Variants in CDC42BPA observed in about 807,000 individuals in gnomAD.
CDC42BPA encodes the protein CDC42 binding protein kinase alpha, also known as serine/threonine-protein kinase MRCK alpha.
A neutral mutation model predicts 223.5 loss-of-function variants in CDC42BPA; 80 were observed. The observed-to-expected ratio is 0.36, with a 90% confidence interval of 0.30 to 0.43. The LOEUF (loss-of-function observed/expected upper bound fraction) is 0.43. CDC42BPA is among the 20% of genes least tolerant of loss of function. The pLI is 1.00. For synonymous variants in CDC42BPA, 694 were observed against 718.6 expected, an observed-to-expected ratio of 0.97 and a Z score of 0.55; for missense variants, 1,743 against 2,099.9, an observed-to-expected ratio of 0.83 and a Z score of 3.32.
intron 10 of CDC42BPA, among the ~76,000 whole-genome samples, chr1:227,130,492 A>G (rs1205321457): frequency 6.6e-6 from 1 of 152,204 alleles, no homozygotes; most frequent in African/African-American, 2.4e-5. Context: ...TTTGAAAAGA[A>G]CATCCATTGT....
intron 3 of CDC42BPA, among the ~76,000 whole-genome samples, chr1:227,206,901 G>A (rs1470126835): frequency 2.0e-5 from 3 of 151,872 alleles, no homozygotes; most frequent in African/African-American, 7.3e-5. Context: ...GCATCTATAT[G>A]CATGGGGACT....
At chr1:227,037,256 G>A (rs2148722879) in intron 24 of CDC42BPA, among the ~76,000 whole-genome samples, 1 of 152,214 alleles carries the variant, frequency 6.6e-6, no homozygotes, top group South Asian at 2.1e-4. Context: ...AACAATACAG[G>A]CGATTCCTTC....
At chr1:227,095,518 C>A (rs1332009187) in intron 15 of CDC42BPA, among the ~76,000 whole-genome samples, 2 of 151,674 alleles carry the variant, frequency 1.3e-5, no homozygotes, top group African/African-American at 4.8e-5. Flanking sequence ...ACTTATTTAC[C>A]CTTAGAAGTA....
At chr1:227,276,825 C>A (rs954252233) in intron 1 of CDC42BPA, among the ~76,000 whole-genome samples, 23 of 152,032 alleles carry the variant, frequency 1.5e-4, no homozygotes, top group African/African-American at 5.3e-4. Flanking sequence ...CAGGGTTAAA[C>A]GGATTAAGGG....
intron 14 of CDC42BPA, among the ~76,000 whole-genome samples, chr1:227,110,283 A>G (rs1686702164): frequency 6.6e-6 from 1 of 152,206 alleles, no homozygotes; most frequent in African/African-American, 2.4e-5. Flanking sequence ...AATCTTTAAA[A>G]GGGCCAAAAT....
chr1:227,089,370 T>C (rs947631152), intron 16 of CDC42BPA, among the ~76,000 whole-genome samples: 2 of 152,140 alleles, frequency 1.3e-5, no homozygotes, highest in African/African-American at 4.8e-5. Flanking sequence ...AGCTTATCAC[T>C]ACTGAGACAG....
At chr1:227,179,990 T>G (rs1411823407) in intron 5 of CDC42BPA, among the ~76,000 whole-genome samples, 2 of 152,084 alleles carry the variant, frequency 1.3e-5, no homozygotes, top group East Asian at 3.9e-4. Flanking sequence ...GGCGGATCAC[T>G]GGGGTTAGGA....
At chr1:227,302,969 G>T (rs1691905349) in intron 1 of CDC42BPA, among the ~76,000 whole-genome samples, 1 of 149,000 alleles carries the variant, frequency 6.7e-6, no homozygotes, top group African/African-American at 2.5e-5. Context: ...CTCATCTCTG[G>T]AAAATACTGA....
At chr1:227,300,211 C>T (rs960251985) in intron 1 of CDC42BPA, among the ~76,000 whole-genome samples, 3 of 152,156 alleles carry the variant, frequency 2.0e-5, no homozygotes, top group Admixed American at 2.0e-4. Flanking sequence ...TTATAGACTG[C>T]TACTGGGAAC....
intron 1 of CDC42BPA, among the ~76,000 whole-genome samples, chr1:227,306,870 T>G (rs997944593): frequency 6.6e-6 from 1 of 152,198 alleles, no homozygotes; most frequent in Non-Finnish European, 1.5e-5. Context: ...GATGCTTGAG[T>G]GCTTTTAATA....
chr1:227,265,351 G>C (rs939527818), intron 1 of CDC42BPA: 2 of 337,322 alleles, frequency 5.9e-6, no homozygotes, highest in African/African-American at 4.1e-5. Context: ...ACAGGGTCAT[G>C]AGGATTTAAT....
intron 4 of CDC42BPA, 112 bp downstream of exon 4, chr1:227,199,445 A>T: frequency 1.5e-6 from 1 of 665,604 alleles, no homozygotes; most frequent in Non-Finnish European, 2.6e-6. Context: ...ACCCTGTATG[A>T]AATGCACTTA....
chr1:227,034,361 T>C (rs1250072974), intron 26 of CDC42BPA, among the ~76,000 whole-genome samples: 3 of 152,178 alleles, frequency 2.0e-5, no homozygotes, highest in Non-Finnish European at 2.9e-5. Context: ...TTAGGTGATG[T>C]GATAATATAA....
chr1:226,994,684 G>A lies in CDC42BPA; in HGVS notation c.5133+139C>T, dbSNP rs1661236324. ...TGCAGCCCGAGTGACTGGCCTAGCT[G>A]CCCGCTGGCCAAGAGTGAATGCTGG... is the stretch of plus-strand genomic sequence containing the variant. On this transcript the variant is annotated intron_variant, in intron 36 of 36. Transcript: ENST00000366766. The surrounding 1 kb of genome is among the most constrained non-coding windows in gnomAD (Gnocchi z 4.0). 2 of 911,488 alleles carry A rather than the reference G, an allele frequency of 2.2e-6. No homozygotes were observed. The highest frequency in any genetic ancestry group is 1.7e-5 in the South Asian group (1 of 58,928). The allele number at this position is 911,488 out of a possible 1,614,324, so 56.5% of individuals were successfully genotyped here.
chr1:227,219,738 C>T (rs1675503972), intron 2 of CDC42BPA, among the ~76,000 whole-genome samples: 1 of 152,038 alleles, frequency 6.6e-6, no homozygotes, highest in Non-Finnish European at 1.5e-5. Context: ...GATTATCTCT[C>T]TAGGGTCTCT....
chr1:227,134,000 A>AAATAAATAAATAAAT (rs1439042894), intron 10 of CDC42BPA, among the ~76,000 whole-genome samples: 2 of 44,472 alleles, frequency 4.5e-5, no homozygotes, highest in Non-Finnish European at 1.3e-4. Context: ...AATAAATAAA[A>AAATAAATAAATAAAT]AAGAAATTCA....
intron 5 of CDC42BPA, among the ~76,000 whole-genome samples, chr1:227,173,649 T>C (rs77977120): frequency 6.6e-6 from 1 of 152,044 alleles, no homozygotes; most frequent in African/African-American, 2.4e-5. Context: ...AGCACTATCA[T>C]ATATGTATGC....
At chr1:227,144,792 CTGTAT>C (rs757335491) in intron 8 of CDC42BPA, among the ~76,000 whole-genome samples, 3 of 152,036 alleles carry the variant, frequency 2.0e-5, no homozygotes, top group Non-Finnish European at 2.9e-5. Flanking sequence ...GGCTTGAGGT[CTGTAT>C]TCACCTCAGG....
intron 6 of CDC42BPA, among the ~76,000 whole-genome samples, chr1:227,158,374 G>A (rs1348341574): frequency 2.6e-5 from 4 of 151,736 alleles, no homozygotes; most frequent in Non-Finnish European, 5.9e-5. Flanking sequence ...TTTTTGTTTG[G>A]TTCAGTGATT....
Sources: gnomAD v4.1 joint callset for allele counts (sites outside exome capture counted in the v4.1 genomes callset) on GRCh38, gnomAD v4.1.1 for gene constraint, Gnocchi (gnomAD v3.1) non-coding constraint, MANE v1.5 for transcripts, NCBI Gene and HGNC (gene_info 2026-07-23, HGNC 2026-07-21) for gene names.